SCRN1: variants seen among roughly 807,000 people sequenced by gnomAD.
SCRN1 encodes the protein secernin 1.
SCRN1 carries 19 observed loss-of-function variants against 43.3 expected under a neutral mutation model. That is an observed-to-expected ratio of 0.44 (90% confidence interval 0.31 to 0.64). The LOEUF (loss-of-function observed/expected upper bound fraction) is 0.64, where lower values mean the gene tolerates loss of function less well. Ranked by LOEUF, SCRN1 falls within the 30% of genes least tolerant of loss-of-function variation. The probability of loss-of-function intolerance (pLI) is 0.09; values close to 1 mark genes in which losing one functional copy is unlikely to be tolerated. For missense variants in SCRN1, 447 were observed against 524.1 expected (o/e 0.85, Z 1.44); for synonymous variants, 183 against 188.9 (o/e 0.97, Z 0.26).
chr7:29,966,605 A>G (rs528122503), intron 2 of SCRN1, among the ~76,000 whole-genome samples: 91 of 152,306 alleles, frequency 6.0e-4, no homozygotes, highest in Middle Eastern at 6.8e-3. Flanking sequence ...ACATTCACTC[A>G]TTGATGAATA....
chr7:29,978,770 C>T (rs1562823354), intron 1 of SCRN1, among the ~76,000 whole-genome samples: 1 of 152,216 alleles, frequency 6.6e-6, no homozygotes, highest in Non-Finnish European at 1.5e-5. Flanking sequence ...TCTGGGAGAA[C>T]CCCATAGCTC....
chr7:29,967,200 AACACACACAG>A (rs2128097221), intron 2 of SCRN1, among the ~76,000 whole-genome samples: 1 of 146,782 alleles, frequency 6.8e-6, no homozygotes, highest in African/African-American at 2.5e-5. Context: ...CACACACACA[AACACACACAG>A]GTAAATACAC....
intron 1 of SCRN1, among the ~76,000 whole-genome samples, chr7:29,974,644 T>C (rs1184319283): frequency 6.6e-6 from 1 of 151,866 alleles, no homozygotes; most frequent in African/African-American, 2.4e-5. Flanking sequence ...ACATAAAACA[T>C]GCATTTTAAA....
intron 6 of SCRN1, among the ~76,000 whole-genome samples, chr7:29,927,452 C>T (rs1180341376): frequency 6.7e-6 from 1 of 148,228 alleles, no homozygotes; most frequent in African/African-American, 2.5e-5. Context: ...ACCACTATGG[C>T]CAACTGTAAC....
intron 3 of SCRN1, among the ~76,000 whole-genome samples, chr7:29,953,586 G>C (rs1426933114): frequency 1.3e-5 from 2 of 151,846 alleles, no homozygotes; most frequent in African/African-American, 4.8e-5. Context: ...CTAATCAAGA[G>C]AAAACTAGCT....
At chr7:29,944,662 CAAAAA>C (rs397729276) in intron 3 of SCRN1, among the ~76,000 whole-genome samples, 1 of 77,778 alleles carries the variant, frequency 1.3e-5, no homozygotes. Context: ...GACCCTGTCT[CAAAAA>C]AAAAAAAAAA....
rs1787899642 is a variant in SCRN1, at chr7:29,950,947, G to C, written c.341+4232C>G. 6.6e-6 allele frequency among the ~76,000 whole-genome samples: 1 copy of C among 152,240 alleles called. No homozygotes were observed. Among genetic ancestry groups the C allele is most frequent in the African/African-American group, 2.4e-5 (1 of 41,468 alleles). ...CTTCCTGAACATGGGACAAGAGCTT[G>C]GGACCCGCCAAATGGTGGGACTGAA... On this transcript the variant is annotated intron_variant, in intron 3 of 7. Coordinates refer to ENST00000242059, the MANE Select transcript of SCRN1 (RefSeq NM_014766.5). The surrounding 1 kb of genome is among the most constrained non-coding windows in gnomAD (Gnocchi z 4.5).
chr7:29,946,362 C>G (rs1787739182), intron 3 of SCRN1, among the ~76,000 whole-genome samples: 1 of 152,222 alleles, frequency 6.6e-6, no homozygotes, highest in African/African-American at 2.4e-5. Flanking sequence ...TCGAAGGCCT[C>G]CTTCCTCCCT....
At chr7:29,951,527 G>A (rs1209959190) in intron 3 of SCRN1, among the ~76,000 whole-genome samples, 2 of 152,222 alleles carry the variant, frequency 1.3e-5, no homozygotes, top group East Asian at 1.9e-4. Context: ...ACAGGCATGA[G>A]CCACTGCACC....
chr7:29,922,953 T>C lies in SCRN1; in HGVS notation c.*1004A>G, dbSNP rs1753738989. 4.6e-5 allele frequency: 7 copies of C among 152,252 alleles called. No homozygotes were observed. Among genetic ancestry groups the C allele is most frequent in the Admixed American group, 1.3e-4 (2 of 15,290 alleles). The allele number at this position is 152,252 out of a possible 1,614,324, so 9.4% of individuals were successfully genotyped here. ...TTTAATTAAAGTCTCTCTGCTGAGA[T>C]AATGTAGTGACTGCTAGGATTCCAG... On this transcript the variant is annotated 3_prime_UTR_variant, in exon 8 of 8. Coordinates refer to ENST00000242059, the MANE Select transcript of SCRN1 (RefSeq NM_014766.5).
At chr7:29,954,969 C>T (rs551073994) in intron 3 of SCRN1, among the ~76,000 whole-genome samples, 2 of 152,358 alleles carry the variant, frequency 1.3e-5, no homozygotes, top group African/African-American at 4.8e-5. Flanking sequence ...GCATGAGCCA[C>T]CATGCCCAGC....
intron 1 of SCRN1, among the ~76,000 whole-genome samples, chr7:29,979,770 C>A (rs1788943517): frequency 6.6e-6 from 1 of 152,168 alleles, no homozygotes; most frequent in South Asian, 2.1e-4. Flanking sequence ...TTCTTGGATA[C>A]ATTTTTTTAA....
At chr7:29,929,690 T>C (rs7796225) in intron 6 of SCRN1, among the ~76,000 whole-genome samples, 5,190 of 152,316 alleles carry the variant, frequency 0.034, 111 homozygotes, top group African/African-American at 0.067. Flanking sequence ...TGGGTCCATG[T>C]TTTCCCTCTC....
chr7:29,924,211 T>A, intron 7 of SCRN1, 96 bp from the exon 8 acceptor site: 1 of 1,258,760 alleles, frequency 7.9e-7, no homozygotes, highest in Non-Finnish European at 1.1e-6. Flanking sequence ...GGCTTCCTGC[T>A]CAAGGTCCTG....
chr7:29,989,406 C>A (rs1022675188), intron 1 of SCRN1, among the ~76,000 whole-genome samples: 2 of 152,120 alleles, frequency 1.3e-5, no homozygotes, highest in African/African-American at 4.8e-5. Flanking sequence ...CCACTGCACC[C>A]CCGCAGTCCC....
rs1304324975 is a variant in SCRN1, at chr7:29,920,643, G to A, written c.*3314C>T. ...AGACCTTCCCCAATAAATGACAGAT[G>A]GCTCTTCAGTCAGGAATGCAGTTAG... On this transcript the variant is annotated 3_prime_UTR_variant, in exon 8 of 8. Coordinates refer to ENST00000242059, the MANE Select transcript of SCRN1 (RefSeq NM_014766.5). 6.6e-6 allele frequency: 1 copy of A among 152,224 alleles called. No individual in the cohort carries two copies. The allele number at this position is 152,224 out of a possible 1,614,324, so 9.4% of individuals were successfully genotyped here. A position where few individuals can be genotyped will look rare whatever the true frequency, so the allele number is the denominator to read the frequency against.
chr7:29,945,444 C>T (rs1787705786), intron 3 of SCRN1, among the ~76,000 whole-genome samples: 1 of 152,178 alleles, frequency 6.6e-6, no homozygotes, highest in South Asian at 2.1e-4. Context: ...ACAGTACTGC[C>T]CTCTGTGTGA....
intron 1 of SCRN1, among the ~76,000 whole-genome samples, chr7:29,977,506 G>C (rs1470266206): frequency 6.6e-6 from 1 of 152,196 alleles, no homozygotes; most frequent in East Asian, 1.9e-4. Flanking sequence ...AAATTGGGAT[G>C]TAAATGCCAG....
rs1386129786 is a variant in SCRN1 at position 29,927,193 on chromosome 7, G to C, written c.906-561C>G. Among the ~76,000 whole-genome samples the C allele has an allele frequency of 2.6e-5, 4 of 152,158 alleles. No individual in the cohort carries two copies. The East Asian group carries it at 7.7e-4, about 29-fold the overall frequency. On this transcript the variant is annotated intron_variant, in intron 6 of 7. Transcript: ENST00000242059. ...GAGGGTGCACACCACACAGAAGTCT[G>C]GTTGTGTGAGAGAGCTAGCACAGGG... is the stretch of plus-strand genomic sequence containing the variant.
Sources: allele counts gnomAD v4.1 joint callset (sites outside exome capture counted in the v4.1 genomes callset), GRCh38; gene constraint gnomAD v4.1.1; non-coding constraint Gnocchi (gnomAD v3.1); transcripts MANE v1.5; gene names NCBI Gene and HGNC (gene_info 2026-07-23, HGNC 2026-07-21).